ZNF480: variants seen among roughly 807,000 people sequenced by gnomAD.
The protein encoded by ZNF480 is zinc finger protein 480.
In ZNF480, 15 loss-of-function variants were observed where a neutral mutation model predicts 14.4. That is an observed-to-expected ratio of 1.04 (90% CI 0.70 to 1.60). ZNF480 has a LOEUF of 1.60. Ranked by LOEUF, ZNF480 falls within the 40% of genes most tolerant of loss-of-function variation. The pLI, the probability that ZNF480 is intolerant of heterozygous loss-of-function variation, is 0.00. For synonymous variants in ZNF480, 218 were observed against 215.5 expected (o/e 1.01, Z -0.10); for missense variants, 593 against 629.7 (o/e 0.94, Z 0.62).
Position 52,321,583 on chromosome 19 carries a change from C to T in ZNF480, c.333C>T (p.Ser111=), listed in dbSNP as rs377131707. Residue 111 remains serine (S), a synonymous_variant, in exon 5 of 5, where the codon AGC becomes AGT. Transcript: ENST00000595962. ...RECIKGVNTG[S]SYALGSNAED... is the part of the protein sequence containing the mutation. ...ACTTTTTTCTTGCTTTCCTAGGGAG[C>T]AGCTATGCATTGGGAAGCAATGCAG... 6.3e-7 allele frequency: 1 copy of T among 1,576,526 alleles called. No homozygotes were observed.
rs756030640 is a variant in ZNF480 at position 52,300,716 on chromosome 19, C to A, written c.72+232C>A. 14 of 672,172 alleles carry A rather than the reference C, an allele frequency of 2.1e-5. 1 individual carries two copies. Among genetic ancestry groups the A allele is most frequent in the Non-Finnish European group, 2.4e-5 (10 of 411,216 alleles). 41.6% of individuals were successfully genotyped at this position (672,172 alleles called of 1,614,324 possible). ...ATAGAGTGTAAAGTGGGATCAGGGG[C>A]CAACAGCCTTCAGAGCTGAGAGCTG... On this transcript the variant is annotated intron_variant, in intron 2 of 4. Coordinates refer to ENST00000595962, the MANE Select transcript of ZNF480 (RefSeq NM_144684.4).
In ZNF480 at chr19:52,325,366, G is replaced by A. The variant is rs759271987; in HGVS notation, c.*2508G>A. 13 of 152,172 alleles carry A rather than the reference G, an allele frequency of 8.5e-5. No individual in the cohort carries two copies. The highest frequency in any genetic ancestry group is 1.6e-4 in the Non-Finnish European group (11 of 68,024). The allele number at this position is 152,172 out of a possible 1,614,324, so 9.4% of individuals were successfully genotyped here. The stretch of plus-strand genomic sequence containing the variant: ...CAGCCATTGTGGAAAGCACTGCAGC[G>A]ATTTCTCAAAGACATAAAAGAACAT... On this transcript the variant is annotated 3_prime_UTR_variant, in exon 5 of 5. Coordinates refer to ENST00000595962, the MANE Select transcript of ZNF480 (RefSeq NM_144684.4).
intron 3 of ZNF480, among the ~76,000 whole-genome samples, chr19:52,314,800 G>A (rs765005000): frequency 1.8e-4 from 27 of 151,168 alleles, no homozygotes; most frequent in East Asian, 9.7e-4. Context: ...GTGAAACTCC[G>A]TCTCATTAAA....
At chr19:52,304,444 G>A (rs1982833238) in intron 2 of ZNF480, among the ~76,000 whole-genome samples, 1 of 152,134 alleles carries the variant, frequency 6.6e-6, no homozygotes, top group African/African-American at 2.4e-5. Flanking sequence ...TTGGAGCTGT[G>A]TGTCCTTTTT....
At position 52,323,032 on chromosome 19, in the gene ZNF480, A is replaced by G. The variant is rs1983921822; in HGVS notation, c.*174A>G. 2.0e-6 allele frequency: 1 copy of G among 495,378 alleles called. No individual in the cohort carries two copies. The highest frequency in any genetic ancestry group is 3.4e-6 in the Non-Finnish European group (1 of 297,626). The allele number at this position is 495,378 out of a possible 1,614,324, so 30.7% of individuals were successfully genotyped here. A position where few individuals can be genotyped will look rare whatever the true frequency, so the allele number is the denominator to read the frequency against. Reference sequence around the variant, plus strand: ...GAATTTATACTGGAGAGACTTCACAATTATAATAAATGTGTGGAAAAGTCT... The same window carrying G: ...GAATTTATACTGGAGAGACTTCACAGTTATAATAAATGTGTGGAAAAGTCT... On this transcript the variant is annotated 3_prime_UTR_variant, in exon 5 of 5. Transcript: ENST00000595962.
At chr19:52,311,118 A>C (rs756840528) in intron 2 of ZNF480, among the ~76,000 whole-genome samples, 1 of 151,722 alleles carries the variant, frequency 6.6e-6, no homozygotes, top group Non-Finnish European at 1.5e-5. Context: ...ATGTTTTATT[A>C]ATGGAATATA....
chr19:52,298,113 A>G (rs1022555734), intron 1 of ZNF480, among the ~76,000 whole-genome samples: 1 of 150,908 alleles, frequency 6.6e-6, no homozygotes, highest in African/African-American at 2.4e-5. Context: ...CAAAGTGGGA[A>G]GTTCCTCAGT....
intron 1 of ZNF480, 118 bp from the exon 2 acceptor site, chr19:52,300,276 G>A: frequency 9.4e-7 from 1 of 1,061,204 alleles, no homozygotes; most frequent in South Asian, 1.6e-5. Context: ...CAACTCTGGT[G>A]CAGTGGGCAG....
At chr19:52,318,175 C>T (rs375526747) in intron 4 of ZNF480, among the ~76,000 whole-genome samples, 10 of 152,088 alleles carry the variant, frequency 6.6e-5, no homozygotes, top group Middle Eastern at 3.4e-3. Flanking sequence ...GGCGTGATCT[C>T]GGCTCACTGG....
intron 4 of ZNF480, among the ~76,000 whole-genome samples, chr19:52,318,037 C>T (rs1983638896): frequency 6.6e-6 from 1 of 151,834 alleles, no homozygotes; most frequent in Non-Finnish European, 1.5e-5. Flanking sequence ...TTTCTTTCCA[C>T]ATTTCTTAAT....
intron 2 of ZNF480, among the ~76,000 whole-genome samples, chr19:52,313,237 A>G (rs1317241243): frequency 6.6e-6 from 1 of 150,628 alleles, no homozygotes. Flanking sequence ...TCCTGGTTCA[A>G]GTGATTCTTC....
At chr19:52,299,793 A>C (rs192398940) in intron 1 of ZNF480, among the ~76,000 whole-genome samples, 2 of 152,178 alleles carry the variant, frequency 1.3e-5, no homozygotes, top group East Asian at 3.9e-4. Context: ...TCCCAGTTTC[A>C]AGCATTTCTC....
chr19:52,314,401 C>A, intron 3 of ZNF480, 122 bp downstream of exon 3: 1 of 944,110 alleles, frequency 1.1e-6, no homozygotes, highest in Non-Finnish European at 1.4e-6. Flanking sequence ...ATCACTTGAA[C>A]CTGGGAGGCA....
chr19:52,312,381 T>C (rs572679513), intron 2 of ZNF480, among the ~76,000 whole-genome samples: 2 of 152,190 alleles, frequency 1.3e-5, no homozygotes, highest in South Asian at 4.1e-4. Context: ...AGGCTGGTCT[T>C]GATCCCCTGA....
At chr19:52,313,100 C>T (rs898174457) in intron 2 of ZNF480, among the ~76,000 whole-genome samples, 13 of 150,742 alleles carry the variant, frequency 8.6e-5, no homozygotes, top group African/African-American at 2.9e-4. Flanking sequence ...GGATTACAGG[C>T]GTGAGCCACC....
intron 2 of ZNF480, among the ~76,000 whole-genome samples, chr19:52,307,108 C>A (rs538358461): frequency 8.2e-4 from 125 of 152,228 alleles, no homozygotes; most frequent in Middle Eastern, 3.4e-3. Context: ...GAACCAGAGC[C>A]CACACTGACC....
At chr19:52,319,190 A>T (rs1983691467) in intron 4 of ZNF480, among the ~76,000 whole-genome samples, 1 of 151,942 alleles carries the variant, frequency 6.6e-6, no homozygotes, top group Non-Finnish European at 1.5e-5. Context: ...GGAGAATTTT[A>T]TCCTCTCATT....
intron 2 of ZNF480, among the ~76,000 whole-genome samples, chr19:52,310,514 G>C (rs1286044150): frequency 1.3e-5 from 2 of 151,574 alleles, no homozygotes; most frequent in African/African-American, 4.9e-5. Flanking sequence ...CCCCTGCCCA[G>C]GCATCCTGTG....
chr19:52,323,115 AAG>A lies in ZNF480; in HGVS notation c.*258_*259del, dbSNP rs1983926443. 2 of 334,974 alleles carry A rather than the reference AAG, an allele frequency of 6.0e-6. No homozygotes were observed. The highest frequency in any genetic ancestry group is 1.1e-5 in the Non-Finnish European group (2 of 184,988). 20.8% of individuals were successfully genotyped at this position (334,974 alleles called of 1,614,324 possible). Reference sequence around the variant, plus strand: ...CTAAAAAACACAATCAGAAATGACAAAGGGGACATTACCACCAACCCCACAGA... The same window carrying A: ...CTAAAAAACACAATCAGAAATGACAAGGGACATTACCACCAACCCCACAGA... On this transcript the variant is annotated 3_prime_UTR_variant, in exon 5 of 5. Coordinates refer to ENST00000595962, the MANE Select transcript of ZNF480 (RefSeq NM_144684.4).
Sources: gnomAD v4.1 joint callset for allele counts (sites outside exome capture counted in the v4.1 genomes callset) on GRCh38, gnomAD v4.1.1 for gene constraint, MANE v1.5 for transcripts, NCBI Gene and HGNC (gene_info 2026-07-23, HGNC 2026-07-21) for gene names.